The following PPM1E variants were observed in gnomAD, a reference collection of about 807,000 sequenced individuals.
PPM1E encodes the protein protein phosphatase 1E.
Under a neutral mutation model 65.9 loss-of-function variants are expected in PPM1E, and 20 were observed. The observed-to-expected ratio is 0.30, with a 90% CI of 0.21 to 0.44. The LOEUF (loss-of-function observed/expected upper bound fraction) is 0.44, where lower values mean the gene tolerates loss of function less well. Among genes scored for constraint, PPM1E ranks in the 20% least tolerant of loss-of-function variants. The probability of loss-of-function intolerance (pLI) is 1.00; values close to 1 mark genes in which losing one functional copy is unlikely to be tolerated. For missense variants in PPM1E, 713 were observed against 953.1 expected (o/e 0.75, Z 3.32); for synonymous variants, 352 against 374.9 (o/e 0.94, Z 0.70).
intron 1 of PPM1E, among the ~76,000 whole-genome samples, chr17:58,917,967 A>G (rs1262869294): frequency 7.2e-5 from 11 of 152,222 alleles, no homozygotes; most frequent in Non-Finnish European, 1.0e-4. Flanking sequence ...GATATTTTCC[A>G]TAGAATTCCT....
intron 1 of PPM1E, among the ~76,000 whole-genome samples, chr17:58,880,977 A>G (rs917964490): frequency 1.1e-4 from 16 of 152,118 alleles, no homozygotes; most frequent in African/African-American, 3.6e-4. Flanking sequence ...ATTTTATTCT[A>G]TGTTAAGTTT....
intron 1 of PPM1E, among the ~76,000 whole-genome samples, chr17:58,914,738 A>G (rs1168067792): frequency 1.3e-5 from 2 of 152,216 alleles, no homozygotes; most frequent in Non-Finnish European, 2.9e-5. Context: ...ATTTTGATGT[A>G]GAGATAACAT....
intron 1 of PPM1E, among the ~76,000 whole-genome samples, chr17:58,844,187 A>T (rs1385213190): frequency 6.6e-6 from 1 of 152,162 alleles, no homozygotes; most frequent in East Asian, 1.9e-4. Context: ...AAAAGCAAAC[A>T]TGATTAATAT....
At chr17:58,920,089 T>G (rs984700254) in intron 1 of PPM1E, among the ~76,000 whole-genome samples, 8 of 152,278 alleles carry the variant, frequency 5.3e-5, no homozygotes, top group Non-Finnish European at 1.0e-4. Flanking sequence ...CCAAGAAGAT[T>G]TGCTGATGGA....
intron 1 of PPM1E, among the ~76,000 whole-genome samples, chr17:58,886,954 A>G (rs942648505): frequency 6.6e-5 from 10 of 152,164 alleles, no homozygotes; most frequent in African/African-American, 2.4e-4. Context: ...TGTGAACCTA[A>G]AACTGCTCTT....
intron 1 of PPM1E, among the ~76,000 whole-genome samples, chr17:58,787,377 TC>T (rs1203103886): frequency 6.6e-6 from 1 of 152,132 alleles, no homozygotes; most frequent in East Asian, 1.9e-4. Context: ...CCCAAATTTT[TC>T]TTTTTTTTCT....
At chr17:58,900,754 A>G (rs1044941737) in intron 1 of PPM1E, among the ~76,000 whole-genome samples, 7 of 152,132 alleles carry the variant, frequency 4.6e-5, no homozygotes, top group Admixed American at 2.6e-4. Context: ...TGGAGCTATT[A>G]CAAACAACGT....
chr17:58,924,334 G>C (rs2051796082), intron 1 of PPM1E, among the ~76,000 whole-genome samples: 1 of 152,038 alleles, frequency 6.6e-6, no homozygotes, highest in African/African-American at 2.4e-5. Flanking sequence ...GAAAAATTAG[G>C]TATACCAAAT....
chr17:58,764,657 A>C (rs1158564540), intron 1 of PPM1E, among the ~76,000 whole-genome samples: 1 of 151,880 alleles, frequency 6.6e-6, no homozygotes, highest in Non-Finnish European at 1.5e-5. Flanking sequence ...TCGCTCTGTC[A>C]CCCGGGCTGG....
chr17:58,966,422 A>T, intron 3 of PPM1E: 2 of 255,232 alleles, frequency 7.8e-6, no homozygotes, highest in Non-Finnish European at 1.6e-5. Flanking sequence ...GTTTTGTAAA[A>T]AAAAAAAAAA....
intron 1 of PPM1E, among the ~76,000 whole-genome samples, chr17:58,795,833 T>C (rs546938755): frequency 6.6e-6 from 1 of 152,320 alleles, no homozygotes; most frequent in African/African-American, 2.4e-5. Flanking sequence ...CATGTATGTC[T>C]TTTTTTGAAG....
At chr17:58,799,396 C>T (rs1383859262) in intron 1 of PPM1E, among the ~76,000 whole-genome samples, 1 of 151,910 alleles carries the variant, frequency 6.6e-6, no homozygotes, top group Non-Finnish European at 1.5e-5. Flanking sequence ...ACTCTCACCT[C>T]GGTCCCCCCT....
intron 1 of PPM1E, among the ~76,000 whole-genome samples, chr17:58,805,231 T>G (rs1158138703): frequency 6.6e-6 from 1 of 152,146 alleles, no homozygotes; most frequent in Non-Finnish European, 1.5e-5. Flanking sequence ...CAGTATACAC[T>G]ATACCCAATG....
At chr17:58,828,399 C>G (rs1261045336) in intron 1 of PPM1E, among the ~76,000 whole-genome samples, 1 of 152,086 alleles carries the variant, frequency 6.6e-6, no homozygotes, top group Non-Finnish European at 1.5e-5. Context: ...CTCTTCCTCT[C>G]TTTTCTCTTT....
Position 58,755,896 on chromosome 17 carries a change from C to T in PPM1E, c.-102C>T. 4.6e-6 allele frequency: 7 copies of T among 1,538,190 alleles called. No homozygotes were observed. The South Asian group carries it at 6.4e-5, about 14-fold the overall frequency. ...TGCTGATCGCTCGTGCCGGTGCGGCCGTTAACCGCCCTTGCCGGAGCCCTA... is the reference window on the plus strand; with the variant it reads ...TGCTGATCGCTCGTGCCGGTGCGGCTGTTAACCGCCCTTGCCGGAGCCCTA... On this transcript the variant is annotated 5_prime_UTR_variant, in exon 1 of 7. Coordinates refer to ENST00000308249, the MANE Select transcript of PPM1E (RefSeq NM_014906.5).
intron 1 of PPM1E, among the ~76,000 whole-genome samples, chr17:58,785,062 TGAA>T (rs2050086064): frequency 6.6e-6 from 1 of 152,118 alleles, no homozygotes; most frequent in Admixed American, 6.6e-5. Context: ...TCCAAGGTCA[TGAA>T]GATTTACTAT....
At chr17:58,804,941 A>G (rs1165370805) in intron 1 of PPM1E, among the ~76,000 whole-genome samples, 2 of 152,178 alleles carry the variant, frequency 1.3e-5, no homozygotes, top group South Asian at 2.1e-4. Flanking sequence ...GTTGCTAACT[A>G]TAGTTACCTA....
intron 1 of PPM1E, among the ~76,000 whole-genome samples, chr17:58,879,603 G>A (rs1048669549): frequency 6.9e-6 from 1 of 145,866 alleles, no homozygotes; most frequent in East Asian, 2.1e-4. Context: ...CCGCCTCCCG[G>A]GTTCACGCCA....
intron 1 of PPM1E, among the ~76,000 whole-genome samples, chr17:58,898,651 A>G (rs1440495738): frequency 1.3e-5 from 2 of 152,336 alleles, no homozygotes; most frequent in African/African-American, 2.4e-5. Context: ...CAGCAATCCC[A>G]TTACTGGGCA....
Sources: allele counts gnomAD v4.1 joint callset (sites outside exome capture counted in the v4.1 genomes callset), GRCh38; gene constraint gnomAD v4.1.1; transcripts MANE v1.5; gene names NCBI Gene and HGNC (gene_info 2026-07-23, HGNC 2026-07-21).